KLHL1: variants seen among roughly 807,000 people sequenced by gnomAD.
KLHL1 encodes kelch-like protein 1.
Under a neutral mutation model 77.7 loss-of-function variants are expected in KLHL1, and 47 were observed. The ratio of observed to expected loss-of-function variants is 0.60; its 90% CI spans 0.48 to 0.77. The LOEUF is 0.77. Ranked by LOEUF, KLHL1 falls within the 30% of genes least tolerant of loss-of-function variation. KLHL1 has a pLI of 0.00. For synonymous variants in KLHL1, 360 were observed against 325.2 expected (o/e 1.11, Z -1.15); for missense variants, 925 against 910.8 (o/e 1.02, Z -0.20).
chr13:69,881,658 T>C (rs1242367134), intron 5 of KLHL1, among the ~76,000 whole-genome samples: 1 of 152,150 alleles, frequency 6.6e-6, no homozygotes, highest in East Asian at 1.9e-4. Context: ...TGAGTGAACT[T>C]CATGTTCTTA....
chr13:69,951,522 T>C (rs1166259536), intron 3 of KLHL1, among the ~76,000 whole-genome samples: 1 of 151,504 alleles, frequency 6.6e-6, no homozygotes, highest in Non-Finnish European at 1.5e-5. Flanking sequence ...GTGGATTTGA[T>C]GTGGAAAGAA....
At chr13:70,099,441 T>C (rs1205378206) in intron 1 of KLHL1, among the ~76,000 whole-genome samples, 1 of 151,900 alleles carries the variant, frequency 6.6e-6, no homozygotes, top group East Asian at 1.9e-4. Context: ...TGACTTCCCT[T>C]TTTCTCATCT....
intron 1 of KLHL1, among the ~76,000 whole-genome samples, chr13:70,088,818 A>G (rs1019613293): frequency 6.6e-6 from 1 of 152,138 alleles, no homozygotes; most frequent in Non-Finnish European, 1.5e-5. Context: ...TGTACATATG[A>G]AAAAGAACAT....
At chr13:69,780,691 T>C (rs1246452083) in intron 7 of KLHL1, among the ~76,000 whole-genome samples, 2 of 6,480 alleles carry the variant, frequency 3.1e-4, no homozygotes, top group African/African-American at 5.2e-4. Context: ...TCTTCATATA[T>C]ATATATATAT....
In KLHL1 at chr13:69,707,688, A is replaced by G. The variant is rs201882029; in HGVS notation, c.2124T>C (p.Tyr708=). ...TAGTGTTGAGGTATGTCTGTCCATC[A>G]TAGCCACCAACAGCATATAATCTGT... The part of the protein sequence containing the change: ...LGDRLYAVGG[Y]DGQTYLNTME... Residue 708 remains tyrosine, a synonymous_variant, in exon 10 of 11, where the codon TAT becomes TAC. Coordinates refer to ENST00000377844, the MANE Select transcript of KLHL1 (RefSeq NM_020866.3). 2.5e-6 allele frequency: 4 copies of G among 1,612,846 alleles called. No individual in the cohort carries two copies. Among genetic ancestry groups the G allele is most frequent in the Middle Eastern group, 1.7e-4 (1 of 6,054 alleles).
chr13:70,019,855 T>G (rs1162838385), intron 1 of KLHL1, among the ~76,000 whole-genome samples: 1 of 152,188 alleles, frequency 6.6e-6, no homozygotes, highest in Non-Finnish European at 1.5e-5. Context: ...TGTTAAGATA[T>G]GTATATGGCT....
In KLHL1 at chr13:69,966,209, A is replaced by G. The variant is rs565754227; in HGVS notation, c.681-4765T>C. Among the ~76,000 whole-genome samples the G allele has an allele frequency of 3.9e-5, 6 of 152,304 alleles. No individual in the cohort carries two copies. The East Asian group carries it at 7.7e-4, about 20-fold the overall frequency. On this transcript the variant is annotated intron_variant, in intron 2 of 10. Coordinates refer to ENST00000377844, the MANE Select transcript of KLHL1 (RefSeq NM_020866.3). ...GATTTTCATAGTTAGAGAGAAGTCA[A>G]TGACTGGCTTCTAAGCTTCAAAGGA...
At chr13:69,890,339 T>C (rs1174858086) in intron 4 of KLHL1, among the ~76,000 whole-genome samples, 1 of 152,044 alleles carries the variant, frequency 6.6e-6, no homozygotes, top group African/African-American at 2.4e-5. Context: ...GAATATCAAA[T>C]AGGAATTACC....
intron 1 of KLHL1, among the ~76,000 whole-genome samples, chr13:70,098,341 A>T (rs1339472338): frequency 6.6e-6 from 1 of 151,866 alleles, no homozygotes; most frequent in Non-Finnish European, 1.5e-5. Context: ...AATTATCTAG[A>T]TTCCATAAAT....
At chr13:69,901,641 A>T (rs2138227130) in intron 4 of KLHL1, among the ~76,000 whole-genome samples, 1 of 152,282 alleles carries the variant, frequency 6.6e-6, no homozygotes, top group Non-Finnish European at 1.5e-5. Flanking sequence ...ATAGTGATCA[A>T]ATTTTTGAAT....
chr13:69,824,024 G>C (rs1412975483), intron 6 of KLHL1, among the ~76,000 whole-genome samples: 1 of 151,818 alleles, frequency 6.6e-6, no homozygotes, highest in Non-Finnish European at 1.5e-5. Context: ...GTATATAATA[G>C]TCTACGAGAG....
chr13:69,942,602 A>G (rs1397279483), intron 3 of KLHL1, among the ~76,000 whole-genome samples: 3 of 152,060 alleles, frequency 2.0e-5, no homozygotes, highest in Non-Finnish European at 4.4e-5. Context: ...TTTTAAACCT[A>G]TAATAATTTG....
intron 6 of KLHL1, among the ~76,000 whole-genome samples, chr13:69,805,252 G>C (rs975892385): frequency 6.6e-5 from 10 of 151,856 alleles, no homozygotes; most frequent in African/African-American, 2.4e-4. Flanking sequence ...ATGTAGCTAT[G>C]TATAGACATA....
chr13:69,716,725 ATTTTGTTTG>A (rs1419874988), intron 9 of KLHL1, among the ~76,000 whole-genome samples: 1 of 152,050 alleles, frequency 6.6e-6, no homozygotes, highest in Non-Finnish European at 1.5e-5. Context: ...CTAGATTCCA[ATTTTGTTTG>A]GTATCTTAAA....
intron 1 of KLHL1, among the ~76,000 whole-genome samples, chr13:70,047,399 T>TTGTGTG (rs140790054): frequency 0.17 from 25,721 of 149,786 alleles, 2,825 homozygotes; most frequent in African/African-American, 0.33. Context: ...GGAAATCTGT[T>TTGTGTG]TGTGTGTGTG....
chr13:69,759,245 C>T (rs924838141), intron 7 of KLHL1, among the ~76,000 whole-genome samples: 26 of 152,234 alleles, frequency 1.7e-4, no homozygotes, highest in African/African-American at 6.0e-4. Context: ...AAACTAAAGA[C>T]GTAAGCTCAC....
chr13:70,051,107 G>A (rs1182581187), intron 1 of KLHL1, among the ~76,000 whole-genome samples: 1 of 151,972 alleles, frequency 6.6e-6, no homozygotes, highest in Non-Finnish European at 1.5e-5. Context: ...AAAAATAGAC[G>A]TGTGGGGTGC....
intron 4 of KLHL1, among the ~76,000 whole-genome samples, chr13:69,913,188 C>G (rs753035310): frequency 3.3e-5 from 5 of 152,208 alleles, no homozygotes; most frequent in East Asian, 3.9e-4. Flanking sequence ...ACTCACTCCC[C>G]CTATGCTCCC....
chr13:69,906,886 G>A (rs1882063229), intron 4 of KLHL1, among the ~76,000 whole-genome samples: 1 of 151,912 alleles, frequency 6.6e-6, no homozygotes, highest in South Asian at 2.1e-4. Context: ...ACATTAGCAA[G>A]CTTTCTCAGT....
Sources: gnomAD v4.1 joint callset for allele counts (sites outside exome capture counted in the v4.1 genomes callset) on GRCh38, gnomAD v4.1.1 for gene constraint, MANE v1.5 for transcripts, NCBI Gene and HGNC (gene_info 2026-07-23, HGNC 2026-07-21) for gene names.